The following PCGF3 variants were observed in gnomAD, a reference collection of about 807,000 sequenced individuals.
PCGF3 encodes polycomb group RING finger protein 3.
In PCGF3, 7 loss-of-function variants were observed where a neutral mutation model predicts 33.1. That is an observed-to-expected ratio of 0.21 (90% confidence interval 0.12 to 0.40). The LOEUF (loss-of-function observed/expected upper bound fraction) is 0.40, where lower values mean the gene tolerates loss of function less well. Ranked by LOEUF, PCGF3 falls within the 10% of genes least tolerant of loss-of-function variation. PCGF3 has a pLI of 1.00. For missense variants in PCGF3, 211 were observed against 313.3 expected (o/e 0.67, Z 2.46); for synonymous variants, 153 against 121.3 (o/e 1.26, Z -1.72).
chr4:726,507 A>G (rs1031780916), intron 1 of PCGF3, among the ~76,000 whole-genome samples: 2 of 152,056 alleles, frequency 1.3e-5, no homozygotes, highest in African/African-American at 4.8e-5. Flanking sequence ...TTTTTTCTCC[A>G]TGGTGCTTTT....
intron 1 of PCGF3, among the ~76,000 whole-genome samples, chr4:713,497 G>T (rs7676553): frequency 5.4e-5 from 8 of 146,888 alleles, no homozygotes; most frequent in African/African-American, 2.0e-4. Context: ...CCTGGTGGGG[G>T]CTGTGGCCTT....
At chr4:755,008 C>T (rs544228701) in intron 8 of PCGF3, among the ~76,000 whole-genome samples, 14 of 152,306 alleles carry the variant, frequency 9.2e-5, no homozygotes, top group South Asian at 8.3e-4. Flanking sequence ...CCAGGCAGGC[C>T]GATGTGTAGC....
At chr4:769,004 T>C (rs1745502693) in exon 11 of PCGF3, 1 of 152,698 alleles carries the variant, frequency 6.5e-6, no homozygotes, top group Admixed American at 6.5e-5. Flanking sequence ...TACATTCAGC[T>C]GTTTGGTTTT....
chr4:719,379 G>A (rs887051143), intron 1 of PCGF3, among the ~76,000 whole-genome samples: 1 of 152,230 alleles, frequency 6.6e-6, no homozygotes, highest in Non-Finnish European at 1.5e-5. Flanking sequence ...GTGTGGTTCT[G>A]TGTGTCCGCA....
At chr4:760,388 A>G (rs1744983718) in intron 8 of PCGF3, among the ~76,000 whole-genome samples, 1 of 150,638 alleles carries the variant, frequency 6.6e-6, no homozygotes, top group Non-Finnish European at 1.5e-5. Flanking sequence ...TTTTTTTAGG[A>G]CATTAATCTG....
intron 1 of PCGF3, among the ~76,000 whole-genome samples, chr4:712,525 G>T (rs1742617436): frequency 6.6e-6 from 1 of 152,216 alleles, no homozygotes; most frequent in Non-Finnish European, 1.5e-5. Context: ...TCGGCTCACT[G>T]CAACCTCCGC....
At chr4:708,609 G>A (rs1267114850) in intron 1 of PCGF3, among the ~76,000 whole-genome samples, 1 of 152,208 alleles carries the variant, frequency 6.6e-6, no homozygotes, top group Non-Finnish European at 1.5e-5. Flanking sequence ...CCTCAGGCTG[G>A]CACTGCACCC....
At chr4:739,293 C>T (rs1480332169) in intron 6 of PCGF3, among the ~76,000 whole-genome samples, 2 of 152,124 alleles carry the variant, frequency 1.3e-5, no homozygotes, top group Non-Finnish European at 2.9e-5. Context: ...CTCAACCTCC[C>T]GGGCTCCAGT....
Position 761,522 on chromosome 4 carries a change from G to T in PCGF3, c.600+106G>T, listed in dbSNP as rs1745057007. 3 of 1,432,636 alleles carry T rather than the reference G, an allele frequency of 2.1e-6. No homozygotes were observed. The Admixed American group carries it at 7.4e-5, about 35-fold the overall frequency. 88.7% of individuals were successfully genotyped at this position (1,432,636 alleles called of 1,614,324 possible). On this transcript the variant is annotated intron_variant, in intron 9 of 10. Transcript: ENST00000362003. ...TTGTTTTGTTTTTAACAATTTTGGA[G>T]ATTTTAACCAGAAAAAAATCCGTTT...
chr4:737,494 T>C, exon 6 of PCGF3: 1 of 1,611,076 alleles, frequency 6.2e-7, no homozygotes, highest in Non-Finnish European at 8.5e-7. Context: ...AGATATTGTT[T>C]ACAAATTGGT....
chr4:711,453 T>C (rs1438980360), intron 1 of PCGF3, among the ~76,000 whole-genome samples: 5 of 91,280 alleles, frequency 5.5e-5, no homozygotes, highest in Non-Finnish European at 8.0e-5. Context: ...CTTTTTTTTT[T>C]CTTTTTTTTT....
rs1398973578 is a variant in PCGF3, at chr4:744,419, A to AT, written c.374-180dup. Among the ~76,000 whole-genome samples, 3 of 152,330 alleles carry AT rather than the reference A, an allele frequency of 2.0e-5. No homozygotes were observed. In the Middle Eastern group the frequency reaches 0.01, roughly 518 times the overall value. On this transcript the variant is annotated intron_variant, in intron 7 of 10. Coordinates refer to ENST00000362003, the Ensembl canonical transcript of PCGF3. ...CCACAGGCCCACACGCCCGTTCTGC[A>AT]TCCTGGGGAGACCCCTGCAGACACT...
Position 721,314 on chromosome 4 carries a change from C to T in PCGF3, c.-189-9316C>T, listed in dbSNP as rs1037024665. Among the ~76,000 whole-genome samples the T allele has an allele frequency of 1.3e-5, 2 of 152,170 alleles. No homozygotes were observed. The highest frequency in any genetic ancestry group is 2.9e-5 in the Non-Finnish European group (2 of 68,030). On this transcript the variant is annotated intron_variant, in intron 1 of 10. Transcript: ENST00000362003. The surrounding 1 kb of genome is among the most constrained non-coding windows in gnomAD (Gnocchi z 4.1). ...GTTCCATAACTCAGCAAAACTGACT[C>T]ACAAACAACAGAAACTTCAAGGCTG...
At chr4:768,377 T>C (rs541656378) in exon 11 of PCGF3, 2 of 152,424 alleles carry the variant, frequency 1.3e-5, no homozygotes, top group South Asian at 2.1e-4. Context: ...TGGGCGGCCT[T>C]CTTTCCTTTC....
At chr4:728,413 G>C (rs71604313) in intron 1 of PCGF3, among the ~76,000 whole-genome samples, 1 of 151,800 alleles carries the variant, frequency 6.6e-6, no homozygotes, top group South Asian at 2.1e-4. Context: ...GGATGGCGTA[G>C]AGTGCGTGGG....
chr4:740,869 C>A (rs529811908), intron 6 of PCGF3, among the ~76,000 whole-genome samples: 1 of 152,312 alleles, frequency 6.6e-6, no homozygotes, highest in South Asian at 2.1e-4. Flanking sequence ...GAGTGTGCTG[C>A]CTGCCTGCCG....
At chr4:715,958 G>A (rs1188885046) in intron 1 of PCGF3, among the ~76,000 whole-genome samples, 8 of 100,144 alleles carry the variant, frequency 8.0e-5, no homozygotes, top group South Asian at 8.6e-4. Context: ...ACTGGGCGTC[G>A]GTGCTGGGAC....
chr4:769,497 A>G (rs1745528655), exon 11 of PCGF3: 1 of 152,730 alleles, frequency 6.5e-6, no homozygotes, highest in African/African-American at 2.4e-5. Flanking sequence ...AACATGATCA[A>G]TGTATTTCTC....
chr4:722,266 C>G (rs1035530340), intron 1 of PCGF3: 1 of 164,424 alleles, frequency 6.1e-6, no homozygotes, highest in African/African-American at 2.4e-5. Context: ...GTGACTTTTA[C>G]TGCAAAACAA....
Sources: allele counts gnomAD v4.1 joint callset (sites outside exome capture counted in the v4.1 genomes callset), GRCh38; gene constraint gnomAD v4.1.1; non-coding constraint Gnocchi (gnomAD v3.1); transcripts MANE v1.5; gene names NCBI Gene and HGNC (gene_info 2026-07-23, HGNC 2026-07-21).